Variants in UBP1 observed in about 807,000 individuals in gnomAD.
UBP1 encodes upstream binding protein 1, also known as upstream-binding protein 1.
UBP1 carries 22 observed loss-of-function variants against 76.1 expected under a neutral mutation model. That is an observed-to-expected ratio of 0.29 (90% CI 0.21 to 0.41). The LOEUF is 0.41. UBP1 is among the 10% of genes least tolerant of loss of function. The pLI, the probability that UBP1 is intolerant of heterozygous loss-of-function variation, is 1.00. For synonymous variants in UBP1, 224 were observed against 237.1 expected, an observed-to-expected ratio of 0.94 and a Z score of 0.51; for missense variants, 436 against 668.1, an observed-to-expected ratio of 0.65 and a Z score of 3.83.
At chr3:33,420,491 T>C (rs1210165744) in intron 2 of UBP1, among the ~76,000 whole-genome samples, 1 of 148,810 alleles carries the variant, frequency 6.7e-6, no homozygotes, top group African/African-American at 2.5e-5. Flanking sequence ...ATACTGGCTT[T>C]TTTTTTTTTT....
chr3:33,428,805 C>T (rs1350208645), intron 1 of UBP1, among the ~76,000 whole-genome samples: 2 of 137,988 alleles, frequency 1.4e-5, no homozygotes, highest in Admixed American at 1.5e-4. Flanking sequence ...AATCCTACGT[C>T]TCAAAAAAAA....
Position 33,440,056 on chromosome 3 carries a change from G to C in UBP1, c.-208C>G. On this transcript the variant is annotated 5_prime_UTR_variant, in exon 1 of 16. Coordinates refer to ENST00000283629, the MANE Select transcript of UBP1 (RefSeq NM_014517.5). ...GCGAGCAATTGCAGCGGGAGCGGCC[G>C]GGCCGCCGGCAGCGCCACCCTCCCG... 1 of 484,074 alleles carries C rather than the reference G, an allele frequency of 2.1e-6. No homozygotes were observed. The highest frequency in any genetic ancestry group is 3.8e-5 in the South Asian group (1 of 26,188). 30.0% of individuals were successfully genotyped at this position (484,074 alleles called of 1,614,324 possible). A position where few individuals can be genotyped will look rare whatever the true frequency, so the allele number is the denominator to read the frequency against.
chr3:33,437,539 A>G (rs941406221), intron 1 of UBP1, among the ~76,000 whole-genome samples: 1 of 152,262 alleles, frequency 6.6e-6, no homozygotes, highest in South Asian at 2.1e-4. Context: ...TAAGCCATCC[A>G]AAAAGCAAAT....
At chr3:33,440,722 A>G (rs1421620001), upstream of UBP1, 1 of 152,362 alleles carries the variant, frequency 6.6e-6, no homozygotes, top group Non-Finnish European at 1.5e-5. Flanking sequence ...GTGTCCCCCG[A>G]CTAAACAACC....
intron 9 of UBP1, among the ~76,000 whole-genome samples, chr3:33,401,345 T>C (rs773029545): frequency 6.6e-6 from 1 of 152,060 alleles, no homozygotes; most frequent in Non-Finnish European, 1.5e-5. Flanking sequence ...TTTTAAAAGT[T>C]AGGGGAAAAA....
chr3:33,416,867 C>T (rs564726313), intron 2 of UBP1, 33 bp from the exon 3 acceptor site: 359 of 1,540,646 alleles, frequency 2.3e-4, no homozygotes, highest in Middle Eastern at 8.4e-4. Context: ...AAAAACAATC[C>T]TTATAAAGAA....
At chr3:33,390,450 C>A in intron 15 of UBP1, 82 bp from the exon 16 acceptor site, 1 of 1,434,804 alleles carries the variant, frequency 7.0e-7, no homozygotes, top group East Asian at 2.3e-5. Flanking sequence ...CTGCCAACTA[C>A]AACCTCCCTT....
intron 1 of UBP1, among the ~76,000 whole-genome samples, chr3:33,426,280 C>T (rs2154059289): frequency 6.6e-6 from 1 of 152,000 alleles, no homozygotes; most frequent in South Asian, 2.1e-4. Context: ...TAATCTAAAA[C>T]AATGGCTCCT....
At chr3:33,421,042 G>A (rs967689095) in intron 2 of UBP1, among the ~76,000 whole-genome samples, 2 of 152,218 alleles carry the variant, frequency 1.3e-5, no homozygotes, top group African/African-American at 4.8e-5. Context: ...AGTCAGCAAG[G>A]GGGTAAGATC....
At chr3:33,390,623 C>T (rs767182245) in intron 15 of UBP1, 2 of 540,906 alleles carry the variant, frequency 3.7e-6, no homozygotes, top group Non-Finnish European at 6.7e-6. Context: ...TCTGCCAGTT[C>T]TGGGGGTAGG....
In UBP1 at chr3:33,417,256, G is replaced by A. The variant is rs893575558; in HGVS notation, c.266-422C>T. ...TTTTAGAACACTCGCATCATCCTAA[G>A]AAGAAACCTCTATTAGTCACTTCCC... On this transcript the variant is annotated intron_variant, in intron 2 of 15. Coordinates refer to ENST00000283629, the MANE Select transcript of UBP1 (RefSeq NM_014517.5). 2.0e-5 allele frequency among the ~76,000 whole-genome samples: 3 copies of A among 152,090 alleles called. 1 individual carries two copies. Among genetic ancestry groups the A allele is most frequent in the African/African-American group, 7.2e-5 (3 of 41,412 alleles).
chr3:33,407,178 C>T (rs757713998), intron 8 of UBP1, among the ~76,000 whole-genome samples: 1 of 152,190 alleles, frequency 6.6e-6, no homozygotes, highest in Admixed American at 6.5e-5. Flanking sequence ...AAATCAAATA[C>T]AGCCAGGGCA....
intron 2 of UBP1, among the ~76,000 whole-genome samples, chr3:33,417,603 AAC>A (rs1322857242): frequency 6.6e-6 from 1 of 152,216 alleles, no homozygotes; most frequent in Non-Finnish European, 1.5e-5. Context: ...TTTATTAGAA[AAC>A]ACAGATATTC....
intron 15 of UBP1, 26 bp downstream of exon 15, chr3:33,392,537 T>C: frequency 6.3e-7 from 1 of 1,598,926 alleles, no homozygotes; most frequent in Non-Finnish European, 8.5e-7. Context: ...TTCCAGCATT[T>C]TAAGACACAC....
Position 33,411,688 on chromosome 3 carries a change from CTA to C in UBP1, c.449-3_449-2del, listed in dbSNP as rs771971562. 2 of 1,610,976 alleles carry C rather than the reference CTA, an allele frequency of 1.2e-6. No individual in the cohort carries two copies. The highest frequency in any genetic ancestry group is 1.7e-6 in the Non-Finnish European group (2 of 1,177,402). On this transcript the variant is annotated splice_acceptor_variant and splice_polypyrimidine_tract_variant and intron_variant, in intron 4 of 15. Coordinates refer to ENST00000283629, the MANE Select transcript of UBP1 (RefSeq NM_014517.5). LOFTEE classifies it high-confidence loss of function. ...ATTATTCCCACAGACATTGGAATATCTATGTTTTAAAAAGAAGTTACATAAAA... is the reference window on the plus strand; with the variant it reads ...ATTATTCCCACAGACATTGGAATATCTGTTTTAAAAAGAAGTTACATAAAA...
Position 33,439,834 on chromosome 3 carries a change from G to C in UBP1, c.15C>G (p.Leu5=), listed in dbSNP as rs1457453920. Residue 5 remains leucine, a synonymous_variant, in exon 1 of 16, where the codon CTC becomes CTG. Transcript: ENST00000283629. MAWV[L]KMDEVIESGL... ...CGGACTCGATCACCTCGTCCATCTT[G>C]AGCACCCAGGCCATCTTCCGGCCTC... The C allele has an allele frequency of 2.0e-5, 32 of 1,611,992 alleles. No individual in the cohort carries two copies. The highest frequency in any genetic ancestry group is 2.7e-5 in the Non-Finnish European group (32 of 1,179,480).
At chr3:33,419,571 T>C (rs1575482230) in intron 2 of UBP1, among the ~76,000 whole-genome samples, 1 of 145,980 alleles carries the variant, frequency 6.9e-6, no homozygotes. Flanking sequence ...GAGGTTGCGG[T>C]GAGCCGAGAT....
At chr3:33,399,703 T>C (rs1393954633) in intron 11 of UBP1, among the ~76,000 whole-genome samples, 4 of 152,148 alleles carry the variant, frequency 2.6e-5, no homozygotes, top group African/African-American at 7.2e-5. Context: ...ATCCTTGTAG[T>C]GATGGCACAA....
In UBP1 at chr3:33,389,370, C is replaced by G. The variant is rs1253830758; in HGVS notation, c.*961G>C. ...TGTTCATAATGAAGATCCCTTAACA[C>G]CTAGTCAGAAGCTATCAACAATAAT... On this transcript the variant is annotated 3_prime_UTR_variant, in exon 16 of 16. Coordinates refer to ENST00000283629, the MANE Select transcript of UBP1 (RefSeq NM_014517.5). The G allele has an allele frequency of 6.6e-6, 1 of 151,546 alleles. No individual in the cohort carries two copies. Among genetic ancestry groups the G allele is most frequent in the Non-Finnish European group, 1.5e-5 (1 of 67,934 alleles). 9.4% of individuals were successfully genotyped at this position (151,546 alleles called of 1,614,324 possible). A position where few individuals can be genotyped will look rare whatever the true frequency, so the allele number is the denominator to read the frequency against.
Sources: gnomAD v4.1 joint callset for allele counts (sites outside exome capture counted in the v4.1 genomes callset) on GRCh38, gnomAD v4.1.1 for gene constraint, MANE v1.5 for transcripts, NCBI Gene and HGNC (gene_info 2026-07-23, HGNC 2026-07-21) for gene names.